BPIFC: variants seen among roughly 807,000 people sequenced by gnomAD.
BPIFC encodes BPI fold-containing family C protein.
BPIFC carries 60 observed loss-of-function variants against 57.6 expected under a neutral mutation model. The ratio of observed to expected loss-of-function variants is 1.04; its 90% CI spans 0.85 to 1.29. The LOEUF is 1.29. Among genes scored for constraint, BPIFC ranks in the 50% most tolerant of loss-of-function variants. The pLI is 0.00. For synonymous variants in BPIFC, 243 were observed against 224.5 expected, an observed-to-expected ratio of 1.08 and a Z score of -0.74; for missense variants, 581 against 600.5, an observed-to-expected ratio of 0.97 and a Z score of 0.34.
chr22:32,430,571 A>T (rs918852362), intron 13 of BPIFC, among the ~76,000 whole-genome samples: 4 of 146,856 alleles, frequency 2.7e-5, no homozygotes, highest in Non-Finnish European at 6.0e-5. Flanking sequence ...AAATATATTT[A>T]TTACATATGT....
At chr22:32,441,125 TC>T (rs1336703382) in intron 8 of BPIFC, among the ~76,000 whole-genome samples, 1 of 152,082 alleles carries the variant, frequency 6.6e-6, no homozygotes, top group African/African-American at 2.4e-5. Flanking sequence ...TCTCACAGCC[TC>T]CCCAGCACAC....
intron 16 of BPIFC, 72 bp downstream of exon 16, chr22:32,415,843 G>A: frequency 1.9e-6 from 2 of 1,079,046 alleles, no homozygotes; most frequent in South Asian, 2.0e-5. Context: ...ACAAAAACAA[G>A]CAAAACAGGA....
At position 32,453,516 on chromosome 22, in the gene BPIFC, CAAGA is replaced by C. The variant is rs1471320832; in HGVS notation, c.125-17_125-14del. The C allele has an allele frequency of 7.0e-6, 11 of 1,566,416 alleles. No homozygotes were observed. The highest frequency in any genetic ancestry group is 9.4e-6 in the Non-Finnish European group (11 of 1,164,418). ...CCAGCTTGAACACCTGTGAAGGAAACAAGAAAGAATCTGTTGATAATGACAAAGA... is the reference window on the plus strand; with the variant it reads ...CCAGCTTGAACACCTGTGAAGGAAACAAGAATCTGTTGATAATGACAAAGA... On this transcript the variant is annotated splice_polypyrimidine_tract_variant and intron_variant, in intron 3 of 16. Coordinates refer to ENST00000300399, the MANE Select transcript of BPIFC (RefSeq NM_174932.3).
chr22:32,435,631 A>T, intron 10 of BPIFC, 73 bp downstream of exon 10: 1 of 1,475,292 alleles, frequency 6.8e-7, no homozygotes. Context: ...GTGGCATAAA[A>T]GTTCTACAAT....
At position 32,445,977 on chromosome 22, in the gene BPIFC, C is replaced by T. The variant is rs377712964; in HGVS notation, c.394G>A (p.Asp132Asn). Residue 132 changes from aspartate (D) to asparagine (N), a missense_variant, in exon 6 of 17, where the codon GAT (aspartate) becomes AAT (asparagine). Coordinates refer to ENST00000300399, the MANE Select transcript of BPIFC (RefSeq NM_174932.3). ...AAGTAGACTCCGGAGAGAAACAGAT[C>T]AGCCCCTCCTGTGTCTTGGCTGTTT... ...SPLFQDTGGA[D>N]LFLSGVYFTG... The T allele has an allele frequency of 1.7e-5, 28 of 1,613,966 alleles. No homozygotes were observed. Among genetic ancestry groups the T allele is most frequent in the Non-Finnish European group, 2.3e-5 (27 of 1,180,016 alleles).
At chr22:32,450,594 A>T (rs1265693658) in intron 4 of BPIFC, among the ~76,000 whole-genome samples, 1 of 152,016 alleles carries the variant, frequency 6.6e-6, no homozygotes, top group African/African-American at 2.4e-5. Context: ...TACTAATGAG[A>T]TATTTTCTTT....
rs896851492 is a variant in BPIFC, at chr22:32,424,520, C to T, written c.1218-5116G>A. Among the ~76,000 whole-genome samples the T allele has an allele frequency of 6.1e-5, 9 of 148,728 alleles. 1 individual carries two copies. Among genetic ancestry groups the T allele is most frequent in the African/African-American group, 2.3e-4 (9 of 38,914 alleles). ...GTGACTCCATGCTTATGGGTTTCCT[C>T]TTCCAGGCAAGGGTATAAAGGTATT... On this transcript the variant is annotated intron_variant, in intron 13 of 16. Transcript: ENST00000300399.
chr22:32,447,424 C>G, intron 4 of BPIFC, 84 bp from the exon 5 acceptor site: 1 of 1,495,940 alleles, frequency 6.7e-7, no homozygotes, highest in Non-Finnish European at 9.0e-7. Context: ...AGTTGCAGAG[C>G]TCTTACCATT....
intron 13 of BPIFC, among the ~76,000 whole-genome samples, chr22:32,424,187 G>C (rs757998942): frequency 6.6e-6 from 1 of 152,168 alleles, no homozygotes; most frequent in Non-Finnish European, 1.5e-5. Context: ...TGAGGAAACT[G>C]ATACTTAACG....
At chr22:32,428,744 C>G (rs1197576083) in intron 13 of BPIFC, among the ~76,000 whole-genome samples, 4 of 151,952 alleles carry the variant, frequency 2.6e-5, no homozygotes, top group South Asian at 2.1e-4. Context: ...CTAAAAAATA[C>G]AAAAATTAGC....
chr22:32,456,458 CCCTT>C, intron 3 of BPIFC, among the ~76,000 whole-genome samples: 1 of 129,628 alleles, frequency 7.7e-6, no homozygotes, highest in African/African-American at 2.8e-5. Context: ...CTCCCTCCCT[CCCTT>C]CCCTCATTTA....
At position 32,417,129 on chromosome 22, in the gene BPIFC, A is replaced by G; in HGVS notation, c.1280T>C (p.Ile427Thr). The G allele has an allele frequency of 1.2e-6, 2 of 1,607,254 alleles. No homozygotes were observed. The highest frequency in any genetic ancestry group is 1.7e-6 in the Non-Finnish European group (2 of 1,173,894). The part of the protein sequence containing the change: ...SNIEVLRFEN[I>T]LSSILHFGVL... ...TCCAAAGTGAAGAATGGACGATAGA[A>G]TATTTTCAAACCTCAAGACCTAAAA... The change falls in exon 15 of 17, where the codon ATT (isoleucine) becomes ACT (threonine). Residue 427 changes from isoleucine (I) to threonine (T), a missense_variant. Transcript: ENST00000300399.
At chr22:32,459,651 A>G (rs1935119267) in intron 2 of BPIFC, among the ~76,000 whole-genome samples, 1 of 151,940 alleles carries the variant, frequency 6.6e-6, no homozygotes, top group African/African-American at 2.4e-5. Context: ...CGACAGAGTG[A>G]GACTCCATTT....
chr22:32,426,630 G>A (rs55675409), intron 13 of BPIFC, among the ~76,000 whole-genome samples: 15,588 of 152,162 alleles, frequency 0.1, 814 homozygotes, highest in African/African-American at 0.12. Flanking sequence ...GGTGGCTCAC[G>A]CCTGTAATCC....
At chr22:32,449,956 G>A (rs1329658443) in intron 4 of BPIFC, among the ~76,000 whole-genome samples, 4 of 151,674 alleles carry the variant, frequency 2.6e-5, no homozygotes, top group African/African-American at 9.7e-5. Flanking sequence ...GGATGGTCTC[G>A]ATCTCCTGAC....
At chr22:32,442,274 T>C (rs1185904225) in intron 8 of BPIFC, among the ~76,000 whole-genome samples, 1 of 152,174 alleles carries the variant, frequency 6.6e-6, no homozygotes, top group Admixed American at 6.5e-5. Flanking sequence ...GTGAATCTTG[T>C]AGTCCATGCT....
chr22:32,457,492 A>G, intron 2 of BPIFC, 106 bp from the exon 3 acceptor site: 1 of 1,279,720 alleles, frequency 7.8e-7, no homozygotes, highest in Non-Finnish European at 1.1e-6. Context: ...TTACTTCCAG[A>G]ACTCAATACA....
chr22:32,415,568 TTCTC>T (rs745669339), intron 16 of BPIFC, among the ~76,000 whole-genome samples: 16 of 152,170 alleles, frequency 1.1e-4, no homozygotes, highest in Admixed American at 2.0e-4. Flanking sequence ...CCTGAGCCAC[TTCTC>T]TCTGAGTCCT....
At chr22:32,443,455 G>T (rs1013528568) in intron 7 of BPIFC, among the ~76,000 whole-genome samples, 1 of 152,200 alleles carries the variant, frequency 6.6e-6, no homozygotes, top group Non-Finnish European at 1.5e-5. Flanking sequence ...GAGCCACCGC[G>T]CCCGGCCCCA....
Sources: gnomAD v4.1 joint callset for allele counts (sites outside exome capture counted in the v4.1 genomes callset) on GRCh38, gnomAD v4.1.1 for gene constraint, MANE v1.5 for transcripts, NCBI Gene and HGNC (gene_info 2026-07-23, HGNC 2026-07-21) for gene names.